The following MYO5B variants were observed in gnomAD, a reference collection of about 807,000 sequenced individuals.
The protein encoded by MYO5B is unconventional myosin-Vb.
In MYO5B, 143 loss-of-function variants were observed where a neutral mutation model predicts 229.3. That is an observed-to-expected ratio of 0.62 (90% CI 0.54 to 0.72). The LOEUF (loss-of-function observed/expected upper bound fraction) is 0.72, where lower values mean the gene tolerates loss of function less well. Ranked by LOEUF, MYO5B falls within the 30% of genes least tolerant of loss-of-function variation. The pLI, the probability that MYO5B is intolerant of heterozygous loss-of-function variation, is 0.00. For missense variants in MYO5B, 2,321 were observed against 2,331.0 expected, an observed-to-expected ratio of 1.00 and a Z score of 0.09; for synonymous variants, 918 against 885.2, an observed-to-expected ratio of 1.04 and a Z score of -0.66.
At chr18:49,896,249 A>G (rs1003945599) in intron 21 of MYO5B, among the ~76,000 whole-genome samples, 5 of 152,166 alleles carry the variant, frequency 3.3e-5, no homozygotes, top group African/African-American at 1.2e-4. Context: ...CATTTCCTGC[A>G]CCAACACAAC....
intron 1 of MYO5B, among the ~76,000 whole-genome samples, chr18:50,120,861 T>C (rs560887297): frequency 6.6e-6 from 1 of 152,294 alleles, no homozygotes; most frequent in East Asian, 1.9e-4. Context: ...AGCTGGTAGA[T>C]GGTGAAAGCT....
Position 49,979,558 on chromosome 18 carries a change from C to T in MYO5B, c.1056+886G>A, listed in dbSNP as rs80107200. ...AGACAAACAGAAGGAGGTTAATTTA[C>T]GTCCACTCAATTGAATAAGCATTAG... is the stretch of plus-strand genomic sequence containing the variant. On this transcript the variant is annotated intron_variant, in intron 9 of 39. Coordinates refer to ENST00000285039, the MANE Select transcript of MYO5B (RefSeq NM_001080467.3). 9.5e-3 allele frequency among the ~76,000 whole-genome samples: 1,443 copies of T among 152,322 alleles called. 23 individuals carry two copies. The highest frequency in any genetic ancestry group is 0.034 in the African/African-American group (1,394 of 41,572).
At chr18:50,117,041 A>G (rs1003590628) in intron 1 of MYO5B, among the ~76,000 whole-genome samples, 1 of 152,174 alleles carries the variant, frequency 6.6e-6, no homozygotes, top group African/African-American at 2.4e-5. Context: ...TATGAGATAA[A>G]CATTAACCCT....
chr18:49,875,474 C>T lies in MYO5B; in HGVS notation c.3537+213G>A, dbSNP rs371446525. 7.9e-5 allele frequency among the ~76,000 whole-genome samples: 12 copies of T among 152,268 alleles called. No homozygotes were observed. In the East Asian group the frequency reaches 9.6e-4, roughly 12 times the overall value. On this transcript the variant is annotated intron_variant, in intron 26 of 39. Coordinates refer to ENST00000285039, the MANE Select transcript of MYO5B (RefSeq NM_001080467.3). Reference sequence around the variant, plus strand: ...CCCCCTAGCTTCACCAACAGAAACCCGGGGCATGAGGGAGCTTACTCCTGT... The same window carrying T: ...CCCCCTAGCTTCACCAACAGAAACCTGGGGCATGAGGGAGCTTACTCCTGT...
chr18:49,856,997 A>G (rs1568612448), intron 29 of MYO5B, 107 bp from the exon 30 acceptor site: 1 of 947,652 alleles, frequency 1.1e-6, no homozygotes, highest in Non-Finnish European at 1.7e-6. Flanking sequence ...TGGAAACGAA[A>G]AAAAGGCAAG....
Position 49,902,663 on chromosome 18 carries a change from C to T in MYO5B, c.2742G>A (p.Glu914=), listed in dbSNP as rs1355810822. The T allele has an allele frequency of 1.2e-6, 2 of 1,613,334 alleles. No homozygotes were observed. Among genetic ancestry groups the T allele is most frequent in the Middle Eastern group, 3.3e-4 (2 of 6,060 alleles). Residue 914 remains glutamate (E), a synonymous_variant, in exon 21 of 40, where the codon GAG becomes GAA. Transcript: ENST00000285039. ...TGCCCACGTTGAGACGTTTCAGATG[C>T]TCTGCTGAGCGGGCCTCAATCCTGA... The part of the protein sequence containing the change: ...KALRIEARSA[E]HLKRLNVGME...
At chr18:49,925,568 C>T (rs913270718) in intron 17 of MYO5B, among the ~76,000 whole-genome samples, 1 of 152,196 alleles carries the variant, frequency 6.6e-6, no homozygotes, top group Non-Finnish European at 1.5e-5. Flanking sequence ...AATTGATATC[C>T]TAACCCATAA....
intron 22 of MYO5B, among the ~76,000 whole-genome samples, chr18:49,888,253 C>T (rs1241726316): frequency 1.3e-5 from 2 of 152,156 alleles, no homozygotes; most frequent in Non-Finnish European, 2.9e-5. Context: ...GATGCTAATA[C>T]AACACACCCT....
chr18:50,116,189 C>T (rs902113933), intron 1 of MYO5B, among the ~76,000 whole-genome samples: 3 of 152,214 alleles, frequency 2.0e-5, no homozygotes, highest in Non-Finnish European at 4.4e-5. Flanking sequence ...CGGCCATGGG[C>T]ATGGCTACTT....
At chr18:50,095,709 G>T (rs8087268) in intron 1 of MYO5B, among the ~76,000 whole-genome samples, 1,536 of 152,286 alleles carry the variant, frequency 0.01, 29 homozygotes, top group African/African-American at 0.034. Context: ...CCTTGGGATG[G>T]CCAGCCACCT....
Position 49,937,935 on chromosome 18 carries a change from T to C in MYO5B, c.1753-538A>G, listed in dbSNP as rs1409379938. On this transcript the variant is annotated intron_variant, in intron 14 of 39. Transcript: ENST00000285039. ...CTTTTAGTGGTGATGACTGCATAAA[T>C]TGGTGAACATCCTGAAACCCAGTGA... Among the ~76,000 whole-genome samples the C allele has an allele frequency of 3.9e-5, 6 of 152,152 alleles. No individual in the cohort carries two copies. In the South Asian group the frequency reaches 8.3e-4, roughly 21 times the overall value.
At chr18:50,012,029 C>T (rs8089596) in intron 4 of MYO5B, among the ~76,000 whole-genome samples, 122,559 of 152,026 alleles carry the variant, frequency 0.81, 49,614 homozygotes, top group Middle Eastern at 0.86. Context: ...TTGCTCACCA[C>T]AGAGTGGTTT....
intron 16 of MYO5B, 100 bp from the exon 17 acceptor site, chr18:49,929,698 G>C: frequency 9.6e-7 from 1 of 1,042,544 alleles, no homozygotes; most frequent in Non-Finnish European, 1.4e-6. Flanking sequence ...AGCATGTGAA[G>C]TACCTGCTGC....
intron 4 of MYO5B, among the ~76,000 whole-genome samples, chr18:50,023,534 T>A (rs1015342632): frequency 1.3e-5 from 2 of 152,160 alleles, no homozygotes; most frequent in Admixed American, 1.3e-4. Context: ...GCCAGTTGAG[T>A]TAGAATCCTG....
chr18:50,150,878 A>G (rs2144303173), intron 1 of MYO5B, among the ~76,000 whole-genome samples: 1 of 152,360 alleles, frequency 6.6e-6, no homozygotes, highest in African/African-American at 2.4e-5. Flanking sequence ...AAGCCACAAC[A>G]TATAGCTGAA....
rs2025248357 is a variant in MYO5B at position 49,936,245 on chromosome 18, C to T, written c.2003+7G>A. On this transcript the variant is annotated splice_region_variant and intron_variant, in intron 16 of 39. Coordinates refer to ENST00000285039, the MANE Select transcript of MYO5B (RefSeq NM_001080467.3). ...GCTGGACAGGCTAATGCCCAGCAGG[C>T]ACTTACTGAAAGGGGAGCTTCTCAT... 4 of 1,583,958 alleles carry T rather than the reference C, an allele frequency of 2.5e-6. No homozygotes were observed. The highest frequency in any genetic ancestry group is 3.4e-6 in the Non-Finnish European group (4 of 1,162,864).
Position 49,904,737 on chromosome 18 carries a change from G to C in MYO5B, c.2506C>G (p.Arg836Gly). 2 of 1,614,014 alleles carry C rather than the reference G, an allele frequency of 1.2e-6. No homozygotes were observed. The highest frequency in any genetic ancestry group is 1.7e-6 in the Non-Finnish European group (2 of 1,180,038). The change falls in exon 20 of 40, where the codon CGC (arginine) becomes GGC (glycine). Residue 836 changes from arginine to glycine, a missense_variant. By Grantham distance (125) the Arg-to-Gly change is moderately radical. Coordinates refer to ENST00000285039, the MANE Select transcript of MYO5B (RefSeq NM_001080467.3). ...GCCTGGATAACAACGGCAGCTCTGC[G>C]GACCCTCTGGTAGGCCTGGCGGGCC... ...QRARQAYQRV[R>G]RAAVVIQAFT...
At chr18:49,910,422 C>T (rs776261438) in intron 18 of MYO5B, among the ~76,000 whole-genome samples, 7 of 152,146 alleles carry the variant, frequency 4.6e-5, no homozygotes, top group Non-Finnish European at 8.8e-5. Context: ...AATCAGCTGA[C>T]CTTTAACAGA....
Position 49,847,257 on chromosome 18 carries a change from G to C in MYO5B, c.4348C>G (p.Arg1450Gly), listed in dbSNP as rs748156643. The change falls in exon 33 of 40, where the codon CGC becomes GGC. Residue 1450 changes from arginine (R) to glycine (G), a missense_variant. By Grantham distance (125) the Arg-to-Gly change is moderately radical. Coordinates refer to ENST00000285039, the MANE Select transcript of MYO5B (RefSeq NM_001080467.3). ...GTGACCTGCCTGTTGAGCTCATGGCGCTTCCTCTCACTCTGGGCCAATGCC... is the reference window on the plus strand; with the variant it reads ...GTGACCTGCCTGTTGAGCTCATGGCCCTTCCTCTCACTCTGGGCCAATGCC... Reference protein sequence around the residue: ...AQALAQSERKRHELNRQVTVQ... With the variant: ...AQALAQSERKGHELNRQVTVQ... 1 of 1,613,784 alleles carries C rather than the reference G, an allele frequency of 6.2e-7. No homozygotes were observed. Among genetic ancestry groups the C allele is most frequent in the Admixed American group, 1.7e-5 (1 of 60,022 alleles).
Sources: allele counts gnomAD v4.1 joint callset (sites outside exome capture counted in the v4.1 genomes callset), GRCh38; gene constraint gnomAD v4.1.1; transcripts MANE v1.5; gene names NCBI Gene and HGNC (gene_info 2026-07-23, HGNC 2026-07-21).